Variants in NEK10 observed in about 807,000 individuals in gnomAD.
The protein encoded by NEK10 is NIMA related kinase 10.
NEK10 carries 122 observed loss-of-function variants against 159.8 expected under a neutral mutation model. The observed-to-expected ratio is 0.76, with a 90% CI of 0.66 to 0.89. The LOEUF is 0.89. Among genes scored for constraint, NEK10 ranks in the 40% least tolerant of loss-of-function variants. The probability of loss-of-function intolerance (pLI) is 0.00; values close to 1 mark genes in which losing one functional copy is unlikely to be tolerated. For synonymous variants in NEK10, 466 were observed against 457.1 expected (o/e 1.02, Z -0.25); for missense variants, 1,342 against 1,323.1 (o/e 1.01, Z -0.22).
At chr3:27,233,114 T>C (rs540062661) in intron 23 of NEK10, among the ~76,000 whole-genome samples, 1 of 150,730 alleles carries the variant, frequency 6.6e-6, no homozygotes, top group Admixed American at 6.6e-5. Flanking sequence ...ACCCACAGAG[T>C]GGGAGAAAAT....
At chr3:27,338,862 A>G (rs141424725) in intron 5 of NEK10, among the ~76,000 whole-genome samples, 3 of 152,264 alleles carry the variant, frequency 2.0e-5, no homozygotes, top group African/African-American at 7.2e-5. Flanking sequence ...ATTTTCTCCC[A>G]TTCTGTAGGT....
chr3:27,150,773 T>C (rs1035638722), intron 30 of NEK10, among the ~76,000 whole-genome samples: 1 of 152,196 alleles, frequency 6.6e-6, no homozygotes, highest in Non-Finnish European at 1.5e-5. Flanking sequence ...CATAAGGCTA[T>C]AGCTGCAATA....
At chr3:27,267,415 G>A (rs894491775) in intron 22 of NEK10, among the ~76,000 whole-genome samples, 1 of 152,066 alleles carries the variant, frequency 6.6e-6, no homozygotes, top group African/African-American at 2.4e-5. Flanking sequence ...CAAATTGAAG[G>A]TTTGTGGCAA....
chr3:27,132,438 T>C (rs1045196822), intron 31 of NEK10, among the ~76,000 whole-genome samples: 9 of 152,168 alleles, frequency 5.9e-5, no homozygotes, highest in Non-Finnish European at 1.2e-4. Context: ...TTTAGTAGTA[T>C]ATATAGTCAG....
chr3:27,290,574 T>C (rs766268862), intron 19 of NEK10, 43 bp downstream of exon 19: 3 of 1,436,502 alleles, frequency 2.1e-6, no homozygotes, highest in Non-Finnish European at 2.9e-6. Context: ...TGCAATGACA[T>C]GTATTTAAGA....
chr3:27,150,957 C>T (rs1944795078), intron 30 of NEK10, among the ~76,000 whole-genome samples: 1 of 152,152 alleles, frequency 6.6e-6, no homozygotes. Context: ...CAGACTGCTC[C>T]TGCAGGACCT....
chr3:27,118,618 G>A (rs111728455), intron 33 of NEK10, among the ~76,000 whole-genome samples: 1 of 152,158 alleles, frequency 6.6e-6, no homozygotes, highest in Admixed American at 6.5e-5. Context: ...AGCTGCCCTG[G>A]GGGGAGTTTG....
chr3:27,165,759 C>T (rs1575073510), intron 29 of NEK10, among the ~76,000 whole-genome samples: 1 of 152,152 alleles, frequency 6.6e-6, no homozygotes, highest in East Asian at 1.9e-4. Flanking sequence ...CCCCAAAACA[C>T]TAACAGATAA....
At chr3:27,180,733 G>T (rs1357778893) in intron 26 of NEK10, among the ~76,000 whole-genome samples, 1 of 152,096 alleles carries the variant, frequency 6.6e-6, no homozygotes. Flanking sequence ...TTAATTGCCA[G>T]TAGAGAAAGA....
At chr3:27,170,438 T>C (rs923767292) in intron 29 of NEK10, among the ~76,000 whole-genome samples, 1 of 152,128 alleles carries the variant, frequency 6.6e-6, no homozygotes, top group Non-Finnish European at 1.5e-5. Flanking sequence ...TATCAACTAA[T>C]ACATAGAAAC....
At chr3:27,280,669 A>G (rs2042089712) in intron 22 of NEK10, among the ~76,000 whole-genome samples, 1 of 152,094 alleles carries the variant, frequency 6.6e-6, no homozygotes, top group Non-Finnish European at 1.5e-5. Flanking sequence ...GAAAATTTCC[A>G]TTTTATTATA....
chr3:27,108,059 T>C lies in NEK10; in HGVS notation c.*3213A>G, dbSNP rs1309674662. Among the ~76,000 whole-genome samples, 1 of 152,218 alleles carries C rather than the reference T, an allele frequency of 6.6e-6. No homozygotes were observed. Among genetic ancestry groups the C allele is most frequent in the Non-Finnish European group, 1.5e-5 (1 of 68,030 alleles). ...TGATTAATTAATGATATTTCTGGAA[T>C]TGTACATAATCAGACCTGTATTTGT... On this transcript the variant is annotated 3_prime_UTR_variant, in exon 36 of 36. Transcript: ENST00000691995.
At chr3:27,328,052 A>T (rs947759842) in intron 5 of NEK10, among the ~76,000 whole-genome samples, 28 of 152,104 alleles carry the variant, frequency 1.8e-4, no homozygotes, top group Non-Finnish European at 2.9e-5. Flanking sequence ...TGTGTCCCCT[A>T]CTAAATCTAG....
intron 29 of NEK10, among the ~76,000 whole-genome samples, chr3:27,171,387 G>A (rs1325493260): frequency 2.0e-5 from 3 of 152,174 alleles, no homozygotes; most frequent in Non-Finnish European, 4.4e-5. Context: ...GAAGAGGGGT[G>A]TCTCTACTTC....
intron 1 of NEK10, among the ~76,000 whole-genome samples, chr3:27,365,619 T>TTTTTTTTTTTTTTTTG (rs1559571627): frequency 3.6e-5 from 5 of 137,828 alleles, no homozygotes; most frequent in African/African-American, 8.3e-5. Context: ...TGTTTTTTTT[T>TTTTTTTTTTTTTTTTG]TTTTTTTTTT....
intron 30 of NEK10, among the ~76,000 whole-genome samples, chr3:27,150,808 A>C (rs909948736): frequency 2.6e-5 from 4 of 152,218 alleles, no homozygotes; most frequent in African/African-American, 9.6e-5. Flanking sequence ...TGATGAATCT[A>C]GGCAAAGTCT....
intron 1 of NEK10, among the ~76,000 whole-genome samples, chr3:27,365,292 C>G (rs567435654): frequency 6.6e-6 from 1 of 152,200 alleles, no homozygotes; most frequent in South Asian, 2.1e-4. Context: ...TTAATTTTTA[C>G]AGGAGGGCTT....
intron 22 of NEK10, among the ~76,000 whole-genome samples, chr3:27,273,522 A>G (rs2041536938): frequency 6.6e-6 from 1 of 152,184 alleles, no homozygotes; most frequent in African/African-American, 2.4e-5. Flanking sequence ...ATGCATATCT[A>G]TCCTTTTATC....
chr3:27,225,939 G>C (rs954561210), intron 23 of NEK10, among the ~76,000 whole-genome samples: 1 of 152,228 alleles, frequency 6.6e-6, no homozygotes, highest in African/African-American at 2.4e-5. Context: ...TATAGGAAAT[G>C]AGTTCATAAG....
Sources: gnomAD v4.1 joint callset for allele counts (sites outside exome capture counted in the v4.1 genomes callset) on GRCh38, gnomAD v4.1.1 for gene constraint, MANE v1.5 for transcripts, NCBI Gene and HGNC (gene_info 2026-07-23, HGNC 2026-07-21) for gene names.